The following CRADD variants were observed in gnomAD, a reference collection of about 807,000 sequenced individuals.
CRADD encodes CARD and death domain containing adaptor protein, also known as death domain-containing protein CRADD.
In CRADD, 9 loss-of-function variants were observed where a neutral mutation model predicts 15.5. The ratio of observed to expected loss-of-function variants is 0.58; its 90% CI spans 0.35 to 1.01. The LOEUF is 1.01. Ranked by LOEUF, CRADD falls within the 50% of genes least tolerant of loss-of-function variation. The pLI is 0.02. For missense variants in CRADD, 227 were observed against 250.3 expected (o/e 0.91, Z 0.63); for synonymous variants, 118 against 107.6 (o/e 1.10, Z -0.60).
chr12:93,761,753 A>G (rs1956966868), intron 2 of CRADD, among the ~76,000 whole-genome samples: 1 of 152,210 alleles, frequency 6.6e-6, no homozygotes, highest in Admixed American at 6.5e-5. Context: ...CCAAATTGGT[A>G]TTATGAGCAC....
At chr12:93,839,207 C>T (rs542475728) in intron 2 of CRADD, among the ~76,000 whole-genome samples, 1 of 152,284 alleles carries the variant, frequency 6.6e-6, no homozygotes, top group South Asian at 2.1e-4. Context: ...TTCTATATCT[C>T]TTCCCCCAGC....
At chr12:93,702,499 C>T (rs980733621) in intron 2 of CRADD, among the ~76,000 whole-genome samples, 1 of 151,822 alleles carries the variant, frequency 6.6e-6, no homozygotes, top group African/African-American at 2.4e-5. Flanking sequence ...GAGTTAGCTT[C>T]AGTTGGTGCT....
rs1955756251 is a variant in CRADD at position 93,698,185 on chromosome 12, C to G, written c.298+19113C>G. Among the ~76,000 whole-genome samples, 3 of 152,206 alleles carry G rather than the reference C, an allele frequency of 2.0e-5. No homozygotes were observed. In the South Asian group the frequency reaches 6.2e-4, roughly 32 times the overall value. ...TGCTGTCTTCTCAGATTCCAAGTGC[C>G]ATATCTTGGGCCAGTGTGTCTTGAA... is the stretch of plus-strand genomic sequence containing the variant. On this transcript the variant is annotated intron_variant, in intron 2 of 2. Transcript: ENST00000332896.
At chr12:93,876,999 T>C (rs1026674925) in intron 2 of CRADD, among the ~76,000 whole-genome samples, 1 of 152,080 alleles carries the variant, frequency 6.6e-6, no homozygotes, top group Admixed American at 6.6e-5. Context: ...ACCTGGGTGT[T>C]GTGATCTAAG....
intron 2 of CRADD, among the ~76,000 whole-genome samples, chr12:93,875,876 T>C (rs1958455171): frequency 6.6e-6 from 1 of 152,182 alleles, no homozygotes; most frequent in Non-Finnish European, 1.5e-5. Context: ...AAATAGTCTG[T>C]GTTTTTCTGC....
chr12:93,850,198 C>A lies in CRADD; in HGVS notation c.527C>A (p.Thr176Asn). 6.2e-7 allele frequency: 1 copy of A among 1,613,386 alleles called. No individual in the cohort carries two copies. Among genetic ancestry groups the A allele is most frequent in the Non-Finnish European group, 8.5e-7 (1 of 1,179,602 alleles). The part of the protein sequence containing the change: ...RWRQRFGKQA[T>N]FQSLHNGLRA... Reference sequence around the variant, plus strand: ...CGGCAGCGCTTCGGGAAGCAGGCCACCTTCCAGAGCCTGCACAACGGGCTG... The same window carrying A: ...CGGCAGCGCTTCGGGAAGCAGGCCAACTTCCAGAGCCTGCACAACGGGCTG... The change falls in exon 3 of 3, where the codon ACC becomes AAC. Residue 176 changes from threonine (T) to asparagine (N), a missense_variant. Coordinates refer to ENST00000332896, the MANE Select transcript of CRADD (RefSeq NM_003805.5). The surrounding 1 kb of genome is among the most constrained non-coding windows in gnomAD (Gnocchi z 4.0).
intron 2 of CRADD, among the ~76,000 whole-genome samples, chr12:93,845,576 A>ATT (rs1430738405): frequency 9.0e-5 from 6 of 66,526 alleles, no homozygotes; most frequent in African/African-American, 3.5e-4. Flanking sequence ...ATATATATAT[A>ATT]TATTTTTAAT....
intron 2 of CRADD, among the ~76,000 whole-genome samples, chr12:93,835,789 G>C (rs1366979543): frequency 6.6e-6 from 1 of 152,076 alleles, no homozygotes; most frequent in African/African-American, 2.4e-5. Flanking sequence ...TTTAATTCAT[G>C]TGTTACTCTG....
intron 2 of CRADD, among the ~76,000 whole-genome samples, chr12:93,749,149 G>A (rs1956802541): frequency 6.6e-6 from 1 of 152,200 alleles, no homozygotes; most frequent in Admixed American, 6.5e-5. Flanking sequence ...AGATGAGGGT[G>A]GATGGGTGAG....
At chr12:93,829,003 T>C (rs1240250853) in intron 2 of CRADD, among the ~76,000 whole-genome samples, 1 of 152,204 alleles carries the variant, frequency 6.6e-6, no homozygotes, top group Non-Finnish European at 1.5e-5. Flanking sequence ...TAAAAAATTT[T>C]CCACAGCCTT....
chr12:93,797,208 T>C (rs1329704231), intron 2 of CRADD, among the ~76,000 whole-genome samples: 1 of 152,050 alleles, frequency 6.6e-6, no homozygotes, highest in African/African-American at 2.4e-5. Context: ...CTGGTTGCTT[T>C]GAGAGTGAGG....
In CRADD at chr12:93,717,811, G is replaced by A. The variant is rs145081629; in HGVS notation, c.298+38739G>A. On this transcript the variant is annotated intron_variant, in intron 2 of 2. Transcript: ENST00000332896. ...GTTAGGATTACAGGTATGAGCCGCC[G>A]CACCCTTCCTGTGATCTATTTTGAG... is the stretch of plus-strand genomic sequence containing the variant. Among the ~76,000 whole-genome samples, 68 of 152,220 alleles carry A rather than the reference G, an allele frequency of 4.5e-4. No homozygotes were observed. The East Asian group carries it at 8.3e-3, about 19-fold the overall frequency.
At chr12:93,686,269 C>G (rs1164224626) in intron 2 of CRADD, among the ~76,000 whole-genome samples, 7 of 142,866 alleles carry the variant, frequency 4.9e-5, no homozygotes, top group Non-Finnish European at 7.5e-5. Context: ...CCACTGCACT[C>G]CAGCCTGGGC....
chr12:93,755,757 C>T (rs4761742), intron 2 of CRADD, among the ~76,000 whole-genome samples: 1,692 of 152,290 alleles, frequency 0.011, 99 homozygotes, highest in Admixed American at 0.094. Flanking sequence ...TAGTTTGCTC[C>T]GCAGAGCCCC....
chr12:93,849,893 C>T (rs566173485), intron 2 of CRADD, 77 bp from the exon 3 acceptor site: 5 of 877,000 alleles, frequency 5.7e-6, no homozygotes, highest in Non-Finnish European at 9.6e-6. Flanking sequence ...TTCTTCTCCC[C>T]ACGATTCTCA....
intron 2 of CRADD, among the ~76,000 whole-genome samples, chr12:93,754,153 C>T (rs1423554531): frequency 1.3e-5 from 2 of 152,262 alleles, no homozygotes; most frequent in Non-Finnish European, 2.9e-5. Flanking sequence ...TTGGGGCTTA[C>T]ACCCATTGAG....
At chr12:93,760,680 C>CCATTCATT (rs57810477) in intron 2 of CRADD, among the ~76,000 whole-genome samples, 10 of 151,876 alleles carry the variant, frequency 6.6e-5, no homozygotes, top group East Asian at 5.8e-4. Context: ...GGTTTGTTTG[C>CCATTCATT]CATTCATTCA....
intron 2 of CRADD, among the ~76,000 whole-genome samples, chr12:93,794,704 T>C (rs529072796): frequency 1.4e-4 from 21 of 152,282 alleles, no homozygotes; most frequent in African/African-American, 4.8e-4. Context: ...CTCTTTAAAC[T>C]GAAGTGCCAC....
At chr12:93,714,679 G>T (rs1186292225) in intron 2 of CRADD, 1 of 152,192 alleles carries the variant, frequency 6.6e-6, no homozygotes, top group African/African-American at 2.4e-5. Flanking sequence ...CCTCGTAGTA[G>T]CAAGGCAGTC....
Sources: allele counts gnomAD v4.1 joint callset (sites outside exome capture counted in the v4.1 genomes callset), GRCh38; gene constraint gnomAD v4.1.1; non-coding constraint Gnocchi (gnomAD v3.1); transcripts MANE v1.5; gene names NCBI Gene and HGNC (gene_info 2026-07-23, HGNC 2026-07-21).